The following MYO9B variants were observed in gnomAD, a reference collection of about 807,000 sequenced individuals.
The protein encoded by MYO9B is myosin IXB, also known as unconventional myosin-IXb.
A neutral mutation model predicts 229.5 loss-of-function variants in MYO9B; 71 were observed. The observed-to-expected ratio is 0.31, with a 90% CI of 0.26 to 0.38. The LOEUF (loss-of-function observed/expected upper bound fraction) is 0.38, where lower values mean the gene tolerates loss of function less well. Among genes scored for constraint, MYO9B ranks in the 10% least tolerant of loss-of-function variants. The pLI, the probability that MYO9B is intolerant of heterozygous loss-of-function variation, is 1.00. For synonymous variants in MYO9B, 1,185 were observed against 1,235.8 expected (o/e 0.96, Z 0.86); for missense variants, 2,255 against 2,920.5 (o/e 0.77, Z 5.25).
At chr19:17,162,504 G>A (rs1481794244) in intron 9 of MYO9B, 38 bp downstream of exon 9, 1 of 1,508,838 alleles carries the variant, frequency 6.6e-7, no homozygotes, top group East Asian at 2.5e-5. Context: ...CCCGGCCAGG[G>A]GAGGCCACAT....
chr19:17,153,088 G>C (rs2072496863), intron 4 of MYO9B, among the ~76,000 whole-genome samples: 1 of 152,162 alleles, frequency 6.6e-6, no homozygotes, highest in Admixed American at 6.6e-5. Context: ...GCTGCAGTGA[G>C]CTAGACACCA....
At chr19:17,153,304 C>T (rs923179299) in intron 4 of MYO9B, among the ~76,000 whole-genome samples, 28 of 150,928 alleles carry the variant, frequency 1.9e-4, no homozygotes, top group African/African-American at 6.8e-4. Context: ...ATGCCTGAGG[C>T]GACTCTCATG....
In MYO9B at chr19:17,129,434, A is replaced by G. The variant is rs7259697; in HGVS notation, c.841-15963A>G. Among the ~76,000 whole-genome samples the G allele has an allele frequency of 8.7e-3, 1,331 of 152,310 alleles. 6 individuals carry two copies. The highest frequency in any genetic ancestry group is 0.017 in the Middle Eastern group (5 of 294). ...AACAACAACAACAAAAAGAAACAGC[A>G]TCAAGGCTCCGGGAAGTGAGCAGCC... is the stretch of plus-strand genomic sequence containing the variant. On this transcript the variant is annotated intron_variant, in intron 2 of 39. Coordinates refer to ENST00000682292, the MANE Select transcript of MYO9B (RefSeq NM_004145.4).
intron 22 of MYO9B, 125 bp from the exon 23 acceptor site, chr19:17,197,667 A>C: frequency 1.9e-6 from 2 of 1,071,520 alleles, no homozygotes; most frequent in Non-Finnish European, 2.8e-6. Flanking sequence ...AACTGTCTCT[A>C]GACATTGCCA....
rs756493339 is a variant in MYO9B at position 17,195,370 on chromosome 19, G to A, written c.3943G>A (p.Gly1315Ser). Reference sequence around the variant, plus strand: ...GGCCAGCGCCGTGGAACTGTGGCGGGGCAAGAAGCTGGTGGCCGCCGCCAG... The same window carrying A: ...GGCCAGCGCCGTGGAACTGTGGCGGAGCAAGAAGCTGGTGGCCGCCGCCAG... Reference protein sequence around the residue: ...RLASAVELWRGKKLVAAASPS... With the variant: ...RLASAVELWRSKKLVAAASPS... The change falls in exon 22 of 40, where the codon GGC (glycine) becomes AGC (serine). Residue 1315 changes from glycine to serine, a missense_variant. By Grantham distance (56) the Gly-to-Ser change is moderately conservative. This residue lies in a region of MYO9B where 679 missense variants were observed against 770.2 expected (regional missense o/e 0.88). Coordinates refer to ENST00000682292, the MANE Select transcript of MYO9B (RefSeq NM_004145.4). The surrounding 1 kb of genome is among the most constrained non-coding windows in gnomAD (Gnocchi z 4.5). 1 of 1,611,314 alleles carries A rather than the reference G, an allele frequency of 6.2e-7. No individual in the cohort carries two copies. Among genetic ancestry groups the A allele is most frequent in the Non-Finnish European group, 8.5e-7 (1 of 1,179,570 alleles).
In MYO9B at chr19:17,207,315, A is replaced by C. The variant is rs541476037; in HGVS notation, c.5624+71A>C. 231 of 1,529,144 alleles carry C rather than the reference A, an allele frequency of 1.5e-4. 2 individuals carry two copies. In the East Asian group the frequency reaches 5.1e-3, roughly 33 times the overall value. The allele number at this position is 1,529,144 out of a possible 1,614,324, so 94.7% of individuals were successfully genotyped here. ...CCAGGACCCCACGACAGCTCCATCC[A>C]TCCCTGTGTAAATAAATGTGTAAGA... is the stretch of plus-strand genomic sequence containing the variant. On this transcript the variant is annotated intron_variant, in intron 35 of 39. Coordinates refer to ENST00000682292, the MANE Select transcript of MYO9B (RefSeq NM_004145.4).
At chr19:17,097,008 G>T (rs1036807390) in intron 1 of MYO9B, among the ~76,000 whole-genome samples, 3 of 151,642 alleles carry the variant, frequency 2.0e-5, no homozygotes, top group Admixed American at 1.3e-4. Flanking sequence ...CTGTTTTTAA[G>T]AAATAGAGTC....
intron 1 of MYO9B, among the ~76,000 whole-genome samples, chr19:17,097,083 C>T (rs1274039680): frequency 6.6e-6 from 1 of 151,812 alleles, no homozygotes; most frequent in Non-Finnish European, 1.5e-5. Flanking sequence ...GCGGGTGGAT[C>T]ACTTGAAGTC....
chr19:17,113,277 G>A (rs2057866154), intron 2 of MYO9B, among the ~76,000 whole-genome samples: 1 of 152,150 alleles, frequency 6.6e-6, no homozygotes, highest in Admixed American at 6.5e-5. Context: ...AGGGTCCGGG[G>A]CAGCAGCCTG....
chr19:17,186,025 G>C, intron 18 of MYO9B, 24 bp downstream of exon 18: 2 of 1,607,534 alleles, frequency 1.2e-6, no homozygotes, highest in Non-Finnish European at 1.7e-6. Context: ...AGGTGTTTGG[G>C]AGGAGAAGGC....
intron 2 of MYO9B, among the ~76,000 whole-genome samples, chr19:17,103,072 A>T (rs1286253450): frequency 6.7e-6 from 1 of 148,406 alleles, no homozygotes; most frequent in African/African-American, 2.5e-5. Context: ...AAAAAAAAAG[A>T]TTACCGAAGT....
At chr19:17,133,279 T>C (rs1385435556) in intron 2 of MYO9B, among the ~76,000 whole-genome samples, 1 of 152,240 alleles carries the variant, frequency 6.6e-6, no homozygotes, top group African/African-American at 2.4e-5. Context: ...CAACATGTTT[T>C]GTGATGAAAA....
intron 1 of MYO9B, among the ~76,000 whole-genome samples, chr19:17,094,451 T>C (rs977969633): frequency 6.6e-6 from 1 of 152,084 alleles, no homozygotes; most frequent in African/African-American, 2.4e-5. Context: ...CATAAACACA[T>C]CCATCATCTG....
intron 1 of MYO9B, among the ~76,000 whole-genome samples, chr19:17,093,082 G>A (rs2057654211): frequency 6.6e-6 from 1 of 152,066 alleles, no homozygotes. Flanking sequence ...CTGTAATCCT[G>A]GCACTTTGGG....
At chr19:17,209,761 G>T in intron 36 of MYO9B, 52 bp downstream of exon 36, 1 of 1,601,400 alleles carries the variant, frequency 6.2e-7, no homozygotes. Flanking sequence ...GCGGAGCCTG[G>T]TGCTGGGCAG....
chr19:17,206,467 T>C, intron 33 of MYO9B, 91 bp downstream of exon 33: 1 of 1,515,402 alleles, frequency 6.6e-7, no homozygotes. Context: ...GACCACCCAG[T>C]TCACAAACTG....
intron 30 of MYO9B, among the ~76,000 whole-genome samples, chr19:17,205,020 G>A (rs2073144177): frequency 6.6e-6 from 1 of 151,764 alleles, no homozygotes; most frequent in Non-Finnish European, 1.5e-5. Flanking sequence ...GCGTGGTGGC[G>A]CACACCTGTA....
rs767655269 is a variant in MYO9B at position 17,202,033 on chromosome 19, C to A, written c.4662+9C>A. On this transcript the variant is annotated intron_variant, in intron 27 of 39. Transcript: ENST00000682292. ...CGATGTACTCTGTCCCGGTATGTGGCGGCCCGGCCTTCAGCCTTTCCCATA... is the reference window on the plus strand; with the variant it reads ...CGATGTACTCTGTCCCGGTATGTGGAGGCCCGGCCTTCAGCCTTTCCCATA... 6.2e-7 allele frequency: 1 copy of A among 1,611,740 alleles called. No individual in the cohort carries two copies. Among genetic ancestry groups the A allele is most frequent in the East Asian group, 2.2e-5 (1 of 44,840 alleles).
In MYO9B at chr19:17,213,069, G is replaced by A. The variant is rs972186087; in HGVS notation, c.*759G>A. On this transcript the variant is annotated 3_prime_UTR_variant, in exon 40 of 40. Coordinates refer to ENST00000682292, the MANE Select transcript of MYO9B (RefSeq NM_004145.4). Reference sequence around the variant, plus strand: ...CTGCTTTTGGCACTACCCACCCCGTGTGACAGAATAGGAGCCAGCGACTCA... The same window carrying A: ...CTGCTTTTGGCACTACCCACCCCGTATGACAGAATAGGAGCCAGCGACTCA... 11 of 152,298 alleles carry A rather than the reference G, an allele frequency of 7.2e-5. No homozygotes were observed. Among genetic ancestry groups the A allele is most frequent in the African/African-American group, 2.7e-4 (11 of 41,462 alleles). 9.4% of individuals were successfully genotyped at this position (152,298 alleles called of 1,614,324 possible).
Sources: gnomAD v4.1 joint callset for allele counts (sites outside exome capture counted in the v4.1 genomes callset) on GRCh38, gnomAD v4.1.1 for gene constraint, gnomAD v4.1.1 regional missense constraint, Gnocchi (gnomAD v3.1) non-coding constraint, MANE v1.5 for transcripts, NCBI Gene and HGNC (gene_info 2026-07-23, HGNC 2026-07-21) for gene names.